Variants in PRR16 observed in about 807,000 individuals in gnomAD.
PRR16 encodes proline rich 16, also known as protein Largen.
A neutral mutation model predicts 18.2 loss-of-function variants in PRR16; 6 were observed. The ratio of observed to expected loss-of-function variants is 0.33; its 90% CI spans 0.18 to 0.65. The LOEUF is 0.65. PRR16 is among the 30% of genes least tolerant of loss of function. The pLI is 0.74. For missense variants in PRR16, 412 were observed against 376.6 expected (o/e 1.09, Z -0.78); for synonymous variants, 151 against 147.8 (o/e 1.02, Z -0.16).
intron 1 of PRR16, among the ~76,000 whole-genome samples, chr5:120,541,465 C>G (rs894089169): frequency 2.0e-4 from 31 of 152,170 alleles, no homozygotes; most frequent in African/African-American, 7.5e-4. Context: ...TTTTTAAAAG[C>G]CTGAATGTTT....
At chr5:120,532,203 G>T (rs1751573427) in intron 1 of PRR16, among the ~76,000 whole-genome samples, 1 of 152,088 alleles carries the variant, frequency 6.6e-6, no homozygotes, top group Non-Finnish European at 1.5e-5. Flanking sequence ...ACAGAAATAT[G>T]CTTATCCGGC....
intron 1 of PRR16, among the ~76,000 whole-genome samples, chr5:120,624,247 A>G (rs1754787666): frequency 6.6e-6 from 1 of 152,170 alleles, no homozygotes; most frequent in Non-Finnish European, 1.5e-5. Flanking sequence ...CATTACACTC[A>G]TATAAAATGG....
chr5:120,583,720 G>T (rs1052153634), intron 1 of PRR16, among the ~76,000 whole-genome samples: 3 of 152,060 alleles, frequency 2.0e-5, no homozygotes, highest in African/African-American at 7.2e-5. Flanking sequence ...GGGTGGTATT[G>T]TTTGTTGTTT....
chr5:120,477,680 C>T (rs1296020193), intron 1 of PRR16, among the ~76,000 whole-genome samples: 1 of 152,146 alleles, frequency 6.6e-6, no homozygotes, highest in Non-Finnish European at 1.5e-5. Context: ...TCATTTTACT[C>T]AAAGTCAGAG....
the PRR16 span, among the ~76,000 whole-genome samples, chr5:120,762,500 T>G: frequency 6.4e-3 from 979 of 152,258 alleles, 11 homozygotes; most frequent in African/African-American, 0.023. Context: ...GTTTTTTGTT[T>G]TGTTTTGTTT....
intron 1 of PRR16, among the ~76,000 whole-genome samples, chr5:120,521,962 G>A (rs1751196225): frequency 6.6e-6 from 1 of 152,046 alleles, no homozygotes; most frequent in South Asian, 2.1e-4. Context: ...CAGAATGATG[G>A]TTTCCAGCTT....
chr5:120,757,073 G>A, the PRR16 span, among the ~76,000 whole-genome samples: 28 of 152,116 alleles, frequency 1.8e-4, no homozygotes, highest in African/African-American at 6.5e-4. Context: ...TATTGAACAG[G>A]GAGTACTTTC....
At chr5:120,791,593 ATCTATCTATCTATCTATCT>A in the PRR16 span, among the ~76,000 whole-genome samples, 3 of 70,466 alleles carry the variant, frequency 4.3e-5, no homozygotes, top group Non-Finnish European at 1.1e-4. Flanking sequence ...TCATCTATCT[ATCTATCTATCTATCTATCT>A]ATCTATCTAT....
chr5:120,590,127 A>G (rs988290844), intron 1 of PRR16, among the ~76,000 whole-genome samples: 3 of 152,178 alleles, frequency 2.0e-5, no homozygotes, highest in Admixed American at 6.5e-5. Flanking sequence ...TACTCTCAAC[A>G]GATTATAAAC....
chr5:120,710,852 A>G, the PRR16 span: 2 of 152,180 alleles, frequency 1.3e-5, no homozygotes, highest in African/African-American at 4.8e-5. Flanking sequence ...GTATTATCTT[A>G]TAATTCTTAT....
At chr5:120,684,301 C>G (rs1035167924) in intron 1 of PRR16, among the ~76,000 whole-genome samples, 11 of 152,178 alleles carry the variant, frequency 7.2e-5, no homozygotes, top group African/African-American at 2.6e-4. Flanking sequence ...CCCTGGTGGC[C>G]TTTACCTGCC....
At chr5:120,764,949 C>A in the PRR16 span, among the ~76,000 whole-genome samples, 1 of 151,968 alleles carries the variant, frequency 6.6e-6, no homozygotes, top group Non-Finnish European at 1.5e-5. Context: ...CTGTGTTGAT[C>A]ATTTCTCCTT....
chr5:120,556,233 G>GT (rs34053155), intron 1 of PRR16, among the ~76,000 whole-genome samples: 47,574 of 121,564 alleles, frequency 0.39, 10,148 homozygotes, highest in Middle Eastern at 0.54. Flanking sequence ...CAATTTCATT[G>GT]TTTTTTTTTT....
chr5:120,695,711 C>T, the PRR16 span, among the ~76,000 whole-genome samples: 1 of 152,250 alleles, frequency 6.6e-6, no homozygotes, highest in African/African-American at 2.4e-5. Flanking sequence ...CAAAGTCTAT[C>T]TTAATAATCT....
At chr5:120,467,401 T>A (rs1749137880) in intron 1 of PRR16, among the ~76,000 whole-genome samples, 1 of 152,124 alleles carries the variant, frequency 6.6e-6, no homozygotes, top group Non-Finnish European at 1.5e-5. Context: ...TAGTATTTAT[T>A]TTTTCTTTCT....
chr5:120,464,764 G>A (rs1231772041), intron 1 of PRR16, 119 bp downstream of exon 1: 4 of 1,076,980 alleles, frequency 3.7e-6, no homozygotes, highest in Non-Finnish European at 5.1e-6. Context: ...CAGAAAAGGC[G>A]CCTGCAGACG....
At chr5:120,706,077 C>G in the PRR16 span, among the ~76,000 whole-genome samples, 116 of 152,206 alleles carry the variant, frequency 7.6e-4, 1 homozygote, top group African/African-American at 2.7e-3. Flanking sequence ...TTCCAATGGC[C>G]TTACAAATGA....
chr5:120,725,297 ATGT>A, the PRR16 span, among the ~76,000 whole-genome samples: 1 of 114,302 alleles, frequency 8.7e-6, no homozygotes, highest in Non-Finnish European at 1.9e-5. Context: ...TGTAAATTTG[ATGT>A]TGTTTTTTTT....
At position 120,686,219 on chromosome 5, in the gene PRR16, C is replaced by G. The variant is rs1040233172; in HGVS notation, c.425C>G (p.Pro142Arg). Reference protein sequence around the residue: ...VKCEDPKRVVPTANPVKTNGT... With the variant: ...VKCEDPKRVVRTANPVKTNGT... ...TGTGAAGACCCCAAAAGGGTGGTTC[C>G]AACTGCCAATCCTGTAAAAACCAAT... The change falls in exon 2 of 2, where the codon CCA (proline) becomes CGA (arginine). Residue 142 changes from proline (P) to arginine (R), a missense_variant. Transcript: ENST00000407149. 3.7e-6 allele frequency: 6 copies of G among 1,614,110 alleles called. No homozygotes were observed. The highest frequency in any genetic ancestry group is 4.2e-6 in the Non-Finnish European group (5 of 1,180,012).
Sources: gnomAD v4.1 joint callset for allele counts (sites outside exome capture counted in the v4.1 genomes callset) on GRCh38, gnomAD v4.1.1 for gene constraint, MANE v1.5 for transcripts, NCBI Gene and HGNC (gene_info 2026-07-23, HGNC 2026-07-21) for gene names.